APBA2: variants seen among roughly 807,000 people sequenced by gnomAD.
APBA2 encodes the protein amyloid beta precursor protein binding family A member 2, also known as amyloid-beta A4 precursor protein-binding family A member 2.
APBA2 carries 30 observed loss-of-function variants against 75.0 expected under a neutral mutation model. That is an observed-to-expected ratio of 0.40 (90% CI 0.30 to 0.54). The LOEUF is 0.54. APBA2 is among the 20% of genes least tolerant of loss of function. The pLI is 0.49. For synonymous variants in APBA2, 444 were observed against 409.6 expected (o/e 1.08, Z -1.01); for missense variants, 801 against 1,016.1 (o/e 0.79, Z 2.88).
At chr15:29,022,149 G>T (rs1453979240) in intron 3 of APBA2, among the ~76,000 whole-genome samples, 1 of 152,164 alleles carries the variant, frequency 6.6e-6, no homozygotes, top group African/African-American at 2.4e-5. Flanking sequence ...TCCTTTGGAT[G>T]TATGCCCAGC....
chr15:28,999,038 C>CT (rs374080581), intron 3 of APBA2, among the ~76,000 whole-genome samples: 2 of 151,938 alleles, frequency 1.3e-5, no homozygotes, highest in African/African-American at 4.8e-5. Context: ...ATCCCAGCTA[C>CT]TCGGGAGGCT....
At chr15:28,969,151 T>TCTTGCTTGCTTGCTTG (rs777930945) in intron 2 of APBA2, among the ~76,000 whole-genome samples, 1 of 76,822 alleles carries the variant, frequency 1.3e-5, no homozygotes, top group African/African-American at 4.4e-4. Context: ...TTTCTTTCTT[T>TCTTGCTTGCTTGCTTG]CTTTCTTTCT....
intron 2 of APBA2, among the ~76,000 whole-genome samples, chr15:28,981,094 A>G (rs1346711416): frequency 6.6e-6 from 1 of 152,226 alleles, no homozygotes; most frequent in Non-Finnish European, 1.5e-5. Context: ...GAGAAACATC[A>G]TTCTGGATAT....
intron 6 of APBA2, among the ~76,000 whole-genome samples, chr15:29,092,095 A>G (rs80050634): frequency 0.015 from 2,346 of 152,266 alleles, 72 homozygotes; most frequent in African/African-American, 0.054. Context: ...TGGCCCCCTG[A>G]TTTTGCATAT....
At chr15:29,007,736 GT>G (rs1179948387) in intron 3 of APBA2, among the ~76,000 whole-genome samples, 1 of 152,194 alleles carries the variant, frequency 6.6e-6, no homozygotes, top group African/African-American at 2.4e-5. Context: ...ATAAGTGTCT[GT>G]GAGGATGTGG....
chr15:29,074,990 A>G lies in APBA2; in HGVS notation c.1021A>G (p.Asn341Asp), dbSNP rs759790166. ...SDLNGPVDNN[N>D]IPETKKVASF... is the part of the protein sequence containing the mutation. ...TCTCAATGGACCTGTTGACAATAAC[A>G]ACATTCCAGAGGTAATTTTTTTCAA... is the stretch of plus-strand genomic sequence containing the variant. The change falls in exon 5 of 15, where the codon AAC becomes GAC. Residue 341 changes from asparagine (N) to aspartate (D), a missense_variant. By Grantham distance (23) the Asn-to-Asp change is conservative. Around this residue, in one of 2 missense-constraint regions of APBA2, gnomAD observed 434 missense variants for 471.6 expected, o/e 0.92. Coordinates refer to ENST00000683413, the MANE Select transcript of APBA2 (RefSeq NM_001353788.2). 6.2e-7 allele frequency: 1 copy of G among 1,613,820 alleles called. No individual in the cohort carries two copies. Among genetic ancestry groups the G allele is most frequent in the African/African-American group, 1.3e-5 (1 of 75,054 alleles).
At chr15:28,968,674 A>T (rs757698113) in intron 2 of APBA2, among the ~76,000 whole-genome samples, 1 of 152,140 alleles carries the variant, frequency 6.6e-6, no homozygotes, top group Non-Finnish European at 1.5e-5. Flanking sequence ...TCATTTGTTG[A>T]AGTCTTAAGC....
At position 29,106,848 on chromosome 15, in the gene APBA2, G is replaced by A. The variant is rs373539280; in HGVS notation, c.1917+29G>A. On this transcript the variant is annotated intron_variant, in intron 12 of 14. Transcript: ENST00000683413. ...GGCACCCTGGGATCCTCCGCCCAGG[G>A]GTCACCTCAACCCTGCCTCACTTCA... 1.1e-5 allele frequency: 17 copies of A among 1,602,124 alleles called. No homozygotes were observed. In the South Asian group the frequency reaches 1.9e-4, roughly 18 times the overall value.
intron 6 of APBA2, among the ~76,000 whole-genome samples, 196 bp from the exon 7 acceptor site, chr15:29,092,879 C>G (rs375758217): frequency 2.0e-5 from 3 of 152,148 alleles, no homozygotes; most frequent in Non-Finnish European, 2.9e-5. Context: ...GTTGATTTCG[C>G]GCAGTTACTT....
At chr15:28,993,863 A>G (rs2038367860) in intron 2 of APBA2, among the ~76,000 whole-genome samples, 1 of 152,120 alleles carries the variant, frequency 6.6e-6, no homozygotes, top group South Asian at 2.1e-4. Context: ...GCAAGTGGGA[A>G]AAGCTGGACT....
intron 9 of APBA2, among the ~76,000 whole-genome samples, chr15:29,100,987 G>A (rs1468214014): frequency 6.6e-6 from 1 of 152,210 alleles, no homozygotes; most frequent in African/African-American, 2.4e-5. Context: ...AATTAGGGCC[G>A]TGGTTCTCAA....
chr15:28,992,156 C>T (rs1481546905), intron 2 of APBA2, among the ~76,000 whole-genome samples: 2 of 152,078 alleles, frequency 1.3e-5, no homozygotes, highest in Non-Finnish European at 2.9e-5. Context: ...AGGGGACGCT[C>T]ACATGAGCTG....
intron 2 of APBA2, among the ~76,000 whole-genome samples, chr15:28,951,334 A>G (rs534361726): frequency 6.6e-6 from 1 of 152,296 alleles, no homozygotes; most frequent in African/African-American, 2.4e-5. Flanking sequence ...ATACCCAAAG[A>G]AAACTGTACC....
chr15:29,028,572 G>A (rs1385319960), intron 3 of APBA2, among the ~76,000 whole-genome samples: 1 of 152,152 alleles, frequency 6.6e-6, no homozygotes, highest in African/African-American at 2.4e-5. Context: ...AGATCTTTGA[G>A]GAGTCACCAC....
At chr15:29,098,769 C>T (rs1459573844) in intron 9 of APBA2, among the ~76,000 whole-genome samples, 193 bp downstream of exon 9, 3 of 152,210 alleles carry the variant, frequency 2.0e-5, no homozygotes, top group African/African-American at 7.2e-5. Context: ...GGCGTCACCC[C>T]AGGGCTCTGC....
In APBA2 at chr15:29,045,744, G is replaced by A. The variant is rs573268988; in HGVS notation, c.-40-8101G>A. 2.3e-3 allele frequency among the ~76,000 whole-genome samples: 344 copies of A among 152,294 alleles called. 1 individual carries two copies. The highest frequency in any genetic ancestry group is 4.5e-3 in the Non-Finnish European group (307 of 68,028). On this transcript the variant is annotated intron_variant, in intron 3 of 14. Transcript: ENST00000683413. The stretch of plus-strand genomic sequence containing the variant: ...CCAAACAAACACTGGCTTTCTATGG[G>A]TGGAACAACTGTGAGTGGGCATCCA...
chr15:29,092,984 G>T, intron 6 of APBA2, 91 bp from the exon 7 acceptor site: 1 of 1,543,560 alleles, frequency 6.5e-7, no homozygotes, highest in South Asian at 1.1e-5. Flanking sequence ...CATCCTGGCT[G>T]CCGTGTTCCT....
intron 3 of APBA2, among the ~76,000 whole-genome samples, chr15:29,039,098 G>GTGT (rs2040893142): frequency 9.4e-6 from 1 of 106,214 alleles, no homozygotes; most frequent in Non-Finnish European, 1.9e-5. Context: ...TGTATGTCAG[G>GTGT]GTGTGTGTGT....
intron 2 of APBA2, among the ~76,000 whole-genome samples, chr15:28,928,683 G>A (rs998857453): frequency 5.9e-5 from 9 of 152,128 alleles, no homozygotes; most frequent in African/African-American, 1.9e-4. Flanking sequence ...CGGGGAGCAG[G>A]CCTTTGTCCT....
Sources: allele counts gnomAD v4.1 joint callset (sites outside exome capture counted in the v4.1 genomes callset), GRCh38; gene constraint gnomAD v4.1.1; regional missense constraint gnomAD v4.1.1; transcripts MANE v1.5; gene names NCBI Gene and HGNC (gene_info 2026-07-23, HGNC 2026-07-21).